GLI3: variants seen among roughly 807,000 people sequenced by gnomAD.
GLI3 encodes transcription activator GLI3.
A neutral mutation model predicts 100.8 loss-of-function variants in GLI3; 20 were observed. The ratio of observed to expected loss-of-function variants is 0.20; its 90% confidence interval spans 0.14 to 0.29. The LOEUF (loss-of-function observed/expected upper bound fraction) is 0.29, where lower values mean the gene tolerates loss of function less well. Among genes scored for constraint, GLI3 ranks in the 10% least tolerant of loss-of-function variants. GLI3 has a pLI of 1.00. For missense variants in GLI3, 2,040 were observed against 2,128.5 expected (o/e 0.96, Z 0.82); for synonymous variants, 938 against 860.5 (o/e 1.09, Z -1.58).
intron 2 of GLI3, among the ~76,000 whole-genome samples, chr7:42,173,762 C>A (rs1787424617): frequency 6.6e-6 from 1 of 152,156 alleles, no homozygotes; most frequent in South Asian, 2.1e-4. Flanking sequence ...ATGTTCCCTG[C>A]AACAGGGGAG....
rs530660467 is a variant in GLI3 at position 42,254,093 on chromosome 7, C to T, written c.-43+9901G>A. The stretch of plus-strand genomic sequence containing the variant: ...AATTAGCTGGGCATGGTGGTGCATG[C>T]CTGTAATCCCAACTACTCAGGAGGT... On this transcript the variant is annotated intron_variant, in intron 1 of 2. Coordinates refer to the GLI3 transcript ENST00000678978. Among the ~76,000 whole-genome samples, 3 of 151,928 alleles carry T rather than the reference C, an allele frequency of 2.0e-5. No homozygotes were observed. The East Asian group carries it at 5.8e-4, about 30-fold the overall frequency.
intron 4 of GLI3, among the ~76,000 whole-genome samples, chr7:42,073,598 A>T (rs557621384): frequency 6.6e-6 from 1 of 152,306 alleles, no homozygotes; most frequent in African/African-American, 2.4e-5. Context: ...GCAATTTATA[A>T]ACCTCTTTCA....
At chr7:42,228,696 A>G (rs1788633750) in intron 1 of GLI3, among the ~76,000 whole-genome samples, 1 of 152,166 alleles carries the variant, frequency 6.6e-6, no homozygotes, top group Admixed American at 6.5e-5. Context: ...ATCCCTTGAA[A>G]AGCCTTCACA....
At chr7:42,113,469 A>G in intron 3 of GLI3, 1 of 771,192 alleles carries the variant, frequency 1.3e-6, no homozygotes, top group Non-Finnish European at 2.3e-6. Context: ...CTGCTCCTCC[A>G]AAGCCAGAGC....
intron 2 of GLI3, among the ~76,000 whole-genome samples, chr7:42,211,299 G>A (rs942273810): frequency 1.3e-5 from 2 of 151,908 alleles, no homozygotes; most frequent in Non-Finnish European, 2.9e-5. Flanking sequence ...GCATACACAT[G>A]GTTTTTGCTA....
Position 41,967,902 on chromosome 7 carries a change from C to A in GLI3, c.2125G>T (p.Gly709Cys). ...TGTTGGCTGCTGCATGAAGACTGAC[C>A]ACCAGGGCTTGGCTGAGATGTCTGT... ...KPMTSQPSPG[G>C]QSSCSSQQSP... is the part of the protein sequence containing the mutation. Residue 709 changes from glycine to cysteine, a missense_variant, in exon 14 of 15, where the codon GGT becomes TGT. Gly to Cys is a radical substitution (Grantham distance 159). Around this residue, in one of 5 missense-constraint regions of GLI3, gnomAD observed 327 missense variants for 338.7 expected, o/e 0.97. Coordinates refer to ENST00000395925, the MANE Select transcript of GLI3 (RefSeq NM_000168.6). The A allele has an allele frequency of 6.2e-7, 1 of 1,614,098 alleles. No individual in the cohort carries two copies. Among genetic ancestry groups the A allele is most frequent in the Non-Finnish European group, 8.5e-7 (1 of 1,180,010 alleles).
Position 42,249,765 on chromosome 7 carries a change from A to C in GLI3, c.-43+14229T>G, listed in dbSNP as rs533856198. ...CATACAAGTACATATACACATGTAC[A>C]TGCACAAACACACACACACACACTT... On this transcript the variant is annotated intron_variant, in intron 1 of 2. Transcript: ENST00000678978. 5.0e-3 allele frequency among the ~76,000 whole-genome samples: 650 copies of C among 130,672 alleles called. 3 individuals carry two copies. Among genetic ancestry groups the C allele is most frequent in the African/African-American group, 0.017 (582 of 35,250 alleles). The allele number at this position is 130,672 out of a possible 152,430, so 85.7% of individuals were successfully genotyped here.
At chr7:42,145,390 T>C (rs1175708147) in intron 3 of GLI3, 2 of 396,268 alleles carry the variant, frequency 5.0e-6, no homozygotes, top group African/African-American at 4.1e-5. Context: ...ATTTAAAATG[T>C]TAACACTTCT....
At chr7:42,009,208 T>C (rs1788540914) in intron 10 of GLI3, among the ~76,000 whole-genome samples, 1 of 152,226 alleles carries the variant, frequency 6.6e-6, no homozygotes, top group Non-Finnish European at 1.5e-5. Flanking sequence ...CCGTCAATCA[T>C]ATTTACTGTA....
rs183358801 is a variant in GLI3, at chr7:42,102,627, T to C, written c.368-25770A>G. 2.3e-4 allele frequency among the ~76,000 whole-genome samples: 35 copies of C among 152,348 alleles called. No individual in the cohort carries two copies. The East Asian group carries it at 6.0e-3, about 26-fold the overall frequency. On this transcript the variant is annotated intron_variant, in intron 3 of 14. Coordinates refer to ENST00000395925, the MANE Select transcript of GLI3 (RefSeq NM_000168.6). ...GTGCACTTAACTTCTTGGGCTTCAG[T>C]GCCTCACCAGGCAAGTTACACCAAA...
In GLI3 at chr7:42,165,419, A is replaced by G. The variant is rs565563613; in HGVS notation, c.125-16951T>C. ...ACATCAGGGTTTTCATGGGGCTGGG[A>G]GGATATTTTTAAAATACCCCCTTAG... On this transcript the variant is annotated intron_variant, in intron 2 of 14. Transcript: ENST00000395925. Among the ~76,000 whole-genome samples the G allele has an allele frequency of 9.8e-5, 15 of 152,320 alleles. No homozygotes were observed. In the East Asian group the frequency reaches 2.9e-3, roughly 29 times the overall value.
At chr7:42,207,911 A>C (rs1443819583) in intron 2 of GLI3, among the ~76,000 whole-genome samples, 1 of 152,174 alleles carries the variant, frequency 6.6e-6, no homozygotes, top group Non-Finnish European at 1.5e-5. Flanking sequence ...TAATCACAGC[A>C]CTTTGAGAGG....
At chr7:42,231,013 G>C (rs1320450237) in intron 1 of GLI3, among the ~76,000 whole-genome samples, 2 of 152,088 alleles carry the variant, frequency 1.3e-5, no homozygotes, top group East Asian at 3.9e-4. Context: ...GCTTCCCTGA[G>C]GCTTATAGGA....
intron 2 of GLI3, among the ~76,000 whole-genome samples, chr7:42,207,546 T>C (rs991422898): frequency 2.6e-5 from 4 of 152,174 alleles, no homozygotes; most frequent in African/African-American, 7.2e-5. Flanking sequence ...TTGGAGCTAA[T>C]TGGGTAAGAT....
At chr7:42,041,898 A>G (rs1784147105) in intron 6 of GLI3, among the ~76,000 whole-genome samples, 1 of 152,204 alleles carries the variant, frequency 6.6e-6, no homozygotes, top group East Asian at 1.9e-4. Context: ...TAAATGTGGT[A>G]CCTACTCAAA....
intron 2 of GLI3, among the ~76,000 whole-genome samples, chr7:42,153,376 C>T (rs141273886): frequency 1.2e-4 from 18 of 152,014 alleles, no homozygotes; most frequent in African/African-American, 3.9e-4. Context: ...TGAACAATTG[C>T]GGGTATAAAA....
rs138532224 is a variant in GLI3 at position 42,261,188 on chromosome 7, G to GACACACACACAAACAC, written c.-43+2790_-43+2805dup. On this transcript the variant is annotated intron_variant, in intron 1 of 2. Coordinates refer to the GLI3 transcript ENST00000678978. ...TGTCACATGGTGACAGCAGGAACAA[G>GACACACACACAAACAC]ACACACACACAAACACACACACACA... Among the ~76,000 whole-genome samples the GACACACACACAAACAC allele has an allele frequency of 8.0e-3, 1,161 of 145,440 alleles. 17 individuals are homozygous for GACACACACACAAACAC. Among genetic ancestry groups the GACACACACACAAACAC allele is most frequent in the East Asian group, 0.035 (175 of 4,974 alleles).
chr7:42,228,851 G>C (rs910165307), intron 1 of GLI3, among the ~76,000 whole-genome samples: 2 of 152,118 alleles, frequency 1.3e-5, no homozygotes, highest in African/African-American at 2.4e-5. Flanking sequence ...TCATTGTCTT[G>C]AGCTCAGGGA....
chr7:42,179,121 A>G (rs1200741300), intron 2 of GLI3, among the ~76,000 whole-genome samples: 1 of 152,060 alleles, frequency 6.6e-6, no homozygotes, highest in Non-Finnish European at 1.5e-5. Flanking sequence ...TTCCCATGCC[A>G]TTCTCGTGAT....
Sources: allele counts gnomAD v4.1 joint callset (sites outside exome capture counted in the v4.1 genomes callset), GRCh38; gene constraint gnomAD v4.1.1; regional missense constraint gnomAD v4.1.1; transcripts MANE v1.5; gene names NCBI Gene and HGNC (gene_info 2026-07-23, HGNC 2026-07-21).